Variants in RANBP2 observed in about 807,000 individuals in gnomAD.
The protein encoded by RANBP2 is E3 SUMO-protein ligase RanBP2.
Under a neutral mutation model 303.6 loss-of-function variants are expected in RANBP2, and 57 were observed. The ratio of observed to expected loss-of-function variants is 0.19; its 90% CI spans 0.15 to 0.23. The LOEUF is 0.23. Among genes scored for constraint, RANBP2 ranks in the 10% least tolerant of loss-of-function variants. The pLI is 1.00. For missense variants in RANBP2, 3,138 were observed against 3,780.8 expected (o/e 0.83, Z 4.46); for synonymous variants, 1,167 against 1,301.5 (o/e 0.90, Z 2.23).
the RANBP2 span, among the ~76,000 whole-genome samples, chr2:109,398,069 T>C: frequency 2.0e-5 from 3 of 152,356 alleles, no homozygotes; most frequent in South Asian, 6.2e-4. Context: ...CTGTGGTTTA[T>C]GCTGACCAGA....
the RANBP2 span, chr2:109,614,459 G>C: frequency 8.3e-7 from 1 of 1,210,838 alleles, no homozygotes; most frequent in Non-Finnish European, 1.0e-6. Context: ...GCGCTGAGCC[G>C]CCCGCTGGCG....
chr2:109,519,940 G>C, the RANBP2 span, among the ~76,000 whole-genome samples: 1 of 152,230 alleles, frequency 6.6e-6, no homozygotes, highest in Non-Finnish European at 1.5e-5. Flanking sequence ...AAGCATCTGC[G>C]TGAGGATGGG....
At chr2:109,370,239 C>G in the RANBP2 span, among the ~76,000 whole-genome samples, 3 of 145,388 alleles carry the variant, frequency 2.1e-5, no homozygotes, top group African/African-American at 7.7e-5. Flanking sequence ...CTCTCTCTCT[C>G]TTTTTCTTTT....
At chr2:108,780,181 TTTTTTTCC>T (rs1227988237) in intron 25 of RANBP2, among the ~76,000 whole-genome samples, 316 of 151,126 alleles carry the variant, frequency 2.1e-3, no homozygotes, top group African/African-American at 7.3e-3. Flanking sequence ...CTAGCTTTTT[TTTTTTTCC>T]TTTTTTTCCT....
At chr2:109,353,189 C>T in the RANBP2 span, among the ~76,000 whole-genome samples, 2 of 152,258 alleles carry the variant, frequency 1.3e-5, no homozygotes, top group Admixed American at 6.5e-5. Context: ...CCTCAAGGGC[C>T]TGATCCACTT....
At chr2:108,793,434 A>T in the RANBP2 span, among the ~76,000 whole-genome samples, 1 of 152,196 alleles carries the variant, frequency 6.6e-6, no homozygotes, top group Non-Finnish European at 1.5e-5. Flanking sequence ...GCTGGCAAGG[A>T]TATCAAGCAA....
At chr2:109,075,579 C>CAAAAAAAAAAAA in the RANBP2 span, among the ~76,000 whole-genome samples, 1 of 109,684 alleles carries the variant, frequency 9.1e-6, no homozygotes. Context: ...CTTAGACAAA[C>CAAAAAAAAAAAA]AAAAAAAAAA....
At chr2:108,720,988 C>G (rs1043565623) in intron 1 of RANBP2, among the ~76,000 whole-genome samples, 1 of 151,952 alleles carries the variant, frequency 6.6e-6, no homozygotes, top group African/African-American at 2.4e-5. Flanking sequence ...GGCGGAGGTT[C>G]CAGTGAGCCG....
the RANBP2 span, among the ~76,000 whole-genome samples, chr2:109,199,582 T>TCAACCCGAGTGCAGG: frequency 4.2e-3 from 2 of 478 alleles, no homozygotes; most frequent in African/African-American, 6.3e-3. Context: ...TGGAATGGAA[T>TCAACCCGAGTGCAGG]GGAATGGAAT....
chr2:109,358,169 G>T, the RANBP2 span, among the ~76,000 whole-genome samples: 1 of 152,268 alleles, frequency 6.6e-6, no homozygotes, highest in Middle Eastern at 3.4e-3. Flanking sequence ...CGTAATGGTT[G>T]CCTTCACTTA....
At chr2:109,027,461 A>G in the RANBP2 span, among the ~76,000 whole-genome samples, 1 of 152,128 alleles carries the variant, frequency 6.6e-6, no homozygotes, top group Non-Finnish European at 1.5e-5. Context: ...CCTCTTTTGA[A>G]GGCAGCATGG....
the RANBP2 span, among the ~76,000 whole-genome samples, chr2:109,182,251 A>G: frequency 6.6e-6 from 1 of 152,216 alleles, no homozygotes; most frequent in Non-Finnish European, 1.5e-5. Flanking sequence ...GGTGAGAGTC[A>G]TCCCATGGCA....
the RANBP2 span, among the ~76,000 whole-genome samples, chr2:109,107,200 T>C: frequency 1.3e-5 from 2 of 150,604 alleles, no homozygotes; most frequent in Admixed American, 1.3e-4. Context: ...GCTGGGATTA[T>C]AGGCGTGAGC....
At chr2:109,570,091 G>C in the RANBP2 span, among the ~76,000 whole-genome samples, 1 of 152,034 alleles carries the variant, frequency 6.6e-6, no homozygotes, top group East Asian at 1.9e-4. Context: ...GCATATCCTA[G>C]TTTTTCTTTT....
chr2:109,585,650 C>A, the RANBP2 span: 1 of 1,017,158 alleles, frequency 9.8e-7, no homozygotes, highest in Non-Finnish European at 1.6e-6. Context: ...CATTGTTCTG[C>A]CCATGACAAG....
chr2:108,858,553 G>T, the RANBP2 span, among the ~76,000 whole-genome samples: 1 of 152,142 alleles, frequency 6.6e-6, no homozygotes, highest in Non-Finnish European at 1.5e-5. Flanking sequence ...TTCAGTACTT[G>T]TTGGTCAGCC....
chr2:109,202,755 T>A, the RANBP2 span, among the ~76,000 whole-genome samples: 1 of 152,142 alleles, frequency 6.6e-6, no homozygotes, highest in Non-Finnish European at 1.5e-5. Context: ...TCGACAGCCC[T>A]TCCCATACTA....
chr2:108,883,321 G>A, the RANBP2 span: 1 of 152,230 alleles, frequency 6.6e-6, no homozygotes, highest in Non-Finnish European at 1.5e-5. Context: ...TCTGTAAGAT[G>A]AAGATGGGAC....
chr2:109,435,353 A>G, the RANBP2 span, among the ~76,000 whole-genome samples: 1 of 152,232 alleles, frequency 6.6e-6, no homozygotes, highest in Admixed American at 6.5e-5. Context: ...TACTGGGTTC[A>G]GGACAATTGC....
Sources: gnomAD v4.1 joint callset for allele counts (sites outside exome capture counted in the v4.1 genomes callset) on GRCh38, gnomAD v4.1.1 for gene constraint, MANE v1.5 for transcripts, NCBI Gene and HGNC (gene_info 2026-07-23, HGNC 2026-07-21) for gene names.